CNIH3: variants seen among roughly 807,000 people sequenced by gnomAD.
The protein encoded by CNIH3 is protein cornichon homolog 3.
CNIH3 carries 14 observed loss-of-function variants against 24.1 expected under a neutral mutation model. The ratio of observed to expected loss-of-function variants is 0.58; its 90% CI spans 0.38 to 0.91. The LOEUF (loss-of-function observed/expected upper bound fraction) is 0.91. Ranked by LOEUF, CNIH3 falls within the 40% of genes least tolerant of loss-of-function variation. The pLI, the probability that CNIH3 is intolerant of heterozygous loss-of-function variation, is 0.00. For missense variants in CNIH3, 178 were observed against 196.8 expected (o/e 0.90, Z 0.57); for synonymous variants, 68 against 73.8 (o/e 0.92, Z 0.40).
At chr1:224,613,731 T>A (rs1258427344), upstream of CNIH3, among the ~76,000 whole-genome samples, 1 of 152,198 alleles carries the variant, frequency 6.6e-6, no homozygotes, top group Non-Finnish European at 1.5e-5. Context: ...CCATGTGACA[T>A]GCCTGCTCCT....
At chr1:224,714,263 C>T (rs564007055) in intron 3 of CNIH3, among the ~76,000 whole-genome samples, 3 of 152,276 alleles carry the variant, frequency 2.0e-5, no homozygotes, top group South Asian at 4.1e-4. Context: ...CCTATTTTTC[C>T]GAGTTTTGTT....
At chr1:224,603,605 C>T (rs1451077449) in intron 3 of CNIH3, among the ~76,000 whole-genome samples, 1 of 152,108 alleles carries the variant, frequency 6.6e-6, no homozygotes, top group African/African-American at 2.4e-5. Flanking sequence ...CCATTTGCAT[C>T]TAATATTTAC....
intron 1 of CNIH3, among the ~76,000 whole-genome samples, chr1:224,626,149 G>A (rs1347090542): frequency 6.6e-6 from 1 of 152,176 alleles, no homozygotes; most frequent in Non-Finnish European, 1.5e-5. Context: ...TAGAGAAGAA[G>A]CATTAAGTGA....
At chr1:224,668,223 A>G (rs1685690698) in intron 1 of CNIH3, among the ~76,000 whole-genome samples, 1 of 152,170 alleles carries the variant, frequency 6.6e-6, no homozygotes, top group South Asian at 2.1e-4. Context: ...GTCACCTACA[A>G]CTTTTAAGTT....
chr1:224,722,705 C>G (rs1688789276), intron 3 of CNIH3, among the ~76,000 whole-genome samples: 1 of 152,014 alleles, frequency 6.6e-6, no homozygotes, highest in African/African-American at 2.4e-5. Flanking sequence ...AGCAAAAGCT[C>G]CAGGGGGGAT....
chr1:224,463,729 A>G (rs1426313500), intron 1 of CNIH3, among the ~76,000 whole-genome samples: 1 of 107,266 alleles, frequency 9.3e-6, no homozygotes. Flanking sequence ...TTTATCAGAT[A>G]TGTGCTTTGT....
intron 3 of CNIH3, among the ~76,000 whole-genome samples, chr1:224,564,854 G>T (rs1423399025): frequency 6.6e-6 from 1 of 152,222 alleles, no homozygotes; most frequent in Non-Finnish European, 1.5e-5. Context: ...AACGATACCT[G>T]GATAGATACA....
At chr1:224,509,721 G>A (rs191904349) in intron 1 of CNIH3, among the ~76,000 whole-genome samples, 2 of 152,306 alleles carry the variant, frequency 1.3e-5, no homozygotes, top group African/African-American at 4.8e-5. Flanking sequence ...GAAGTGTGAG[G>A]TGCCAGGCTG....
chr1:224,634,591 A>G lies in CNIH3; in HGVS notation c.81+17336A>G, dbSNP rs374145760. ...CTGTCTCCAAAAAAAAAAATAAAAA[A>G]AAAAAGGTTTTTTGCTAGCTTGGTG... On this transcript the variant is annotated intron_variant, in intron 1 of 5. Transcript: ENST00000272133. Among the ~76,000 whole-genome samples the G allele has an allele frequency of 7.6e-3, 1,152 of 152,164 alleles. 14 individuals carry two copies. Among genetic ancestry groups the G allele is most frequent in the African/African-American group, 0.025 (1,027 of 41,472 alleles).
intron 3 of CNIH3, among the ~76,000 whole-genome samples, chr1:224,554,493 C>T (rs1572466193): frequency 6.6e-6 from 1 of 152,032 alleles, no homozygotes; most frequent in African/African-American, 2.4e-5. Flanking sequence ...TGCATCTGTA[C>T]TGAACACCTG....
At chr1:224,642,729 G>C (rs1037622763) in intron 1 of CNIH3, among the ~76,000 whole-genome samples, 2 of 152,162 alleles carry the variant, frequency 1.3e-5, no homozygotes, top group Non-Finnish European at 2.9e-5. Flanking sequence ...TTTTATTTAA[G>C]AGAATGCTTT....
intron 5 of CNIH3, among the ~76,000 whole-genome samples, chr1:224,586,521 G>A (rs988258060): frequency 6.6e-6 from 1 of 152,124 alleles, no homozygotes; most frequent in East Asian, 1.9e-4. Context: ...TTTGGGTGGG[G>A]ACACAGCCAA....
At chr1:224,605,992 A>G (rs1433623977) in intron 3 of CNIH3, among the ~76,000 whole-genome samples, 1 of 151,924 alleles carries the variant, frequency 6.6e-6, no homozygotes, top group African/African-American at 2.4e-5. Flanking sequence ...AAAGGGGGTG[A>G]CTCGTTTACT....
At chr1:224,623,304 G>A (rs1012111240) in intron 1 of CNIH3, among the ~76,000 whole-genome samples, 7 of 152,078 alleles carry the variant, frequency 4.6e-5, no homozygotes, top group Non-Finnish European at 8.8e-5. Flanking sequence ...CCACCACTTA[G>A]CTCCTGCTGC....
intron 5 of CNIH3, among the ~76,000 whole-genome samples, chr1:224,738,233 G>C (rs577852768): frequency 3.3e-5 from 5 of 152,232 alleles, no homozygotes; most frequent in Admixed American, 6.5e-5. Context: ...CCCCAGCACT[G>C]AGAATAGTGT....
At chr1:224,640,792 A>G (rs1684320129) in intron 1 of CNIH3, among the ~76,000 whole-genome samples, 1 of 152,096 alleles carries the variant, frequency 6.6e-6, no homozygotes, top group African/African-American at 2.4e-5. Context: ...CCATCTGCCA[A>G]GATTCCCCTT....
chr1:224,492,615 T>A (rs1420147806), intron 1 of CNIH3, among the ~76,000 whole-genome samples: 2 of 152,250 alleles, frequency 1.3e-5, no homozygotes, highest in African/African-American at 4.8e-5. Context: ...TTCCTTTCAA[T>A]TTTCTAGTTT....
chr1:224,590,663 A>G (rs921466442), downstream of CNIH3, among the ~76,000 whole-genome samples: 1 of 152,142 alleles, frequency 6.6e-6, no homozygotes, highest in Non-Finnish European at 1.5e-5. Flanking sequence ...ATGAGGGTGG[A>G]GCCCTCGTGA....
chr1:224,680,863 C>T, intron 1 of CNIH3, 95 bp from the exon 2 acceptor site: 1 of 922,358 alleles, frequency 1.1e-6, no homozygotes, highest in East Asian at 2.4e-5. Flanking sequence ...CTCTTCCTTT[C>T]TGTTGTGTTA....
Sources: allele counts gnomAD v4.1 joint callset (sites outside exome capture counted in the v4.1 genomes callset), GRCh38; gene constraint gnomAD v4.1.1; transcripts MANE v1.5; gene names NCBI Gene and HGNC (gene_info 2026-07-23, HGNC 2026-07-21).